Variants in KIAA1328 observed in about 807,000 individuals in gnomAD.
KIAA1328 encodes protein hinderin.
KIAA1328 carries 52 observed loss-of-function variants against 68.1 expected under a neutral mutation model. That is an observed-to-expected ratio of 0.76 (90% CI 0.61 to 0.96). KIAA1328 has a LOEUF of 0.96. Among genes scored for constraint, KIAA1328 ranks in the 40% least tolerant of loss-of-function variants. The pLI is 0.00. For synonymous variants in KIAA1328, 232 were observed against 239.4 expected (o/e 0.97, Z 0.28); for missense variants, 641 against 677.6 (o/e 0.95, Z 0.60).
chr18:37,053,680 A>G (rs774488096), intron 6 of KIAA1328, among the ~76,000 whole-genome samples: 2 of 152,120 alleles, frequency 1.3e-5, no homozygotes, highest in Non-Finnish European at 2.9e-5. Flanking sequence ...GAAACTTACA[A>G]TCATGGTGGG....
chr18:36,858,515 G>C (rs149649006), intron 4 of KIAA1328, among the ~76,000 whole-genome samples: 1 of 152,212 alleles, frequency 6.6e-6, no homozygotes, highest in South Asian at 2.1e-4. Flanking sequence ...CACTGGTATA[G>C]TACTGTTAAT....
chr18:36,971,048 C>G (rs950040107), intron 6 of KIAA1328, among the ~76,000 whole-genome samples: 3 of 152,162 alleles, frequency 2.0e-5, no homozygotes, highest in Admixed American at 1.3e-4. Context: ...TGACTTCAAA[C>G]TATACTACAA....
At chr18:36,997,389 G>A (rs115304040) in intron 6 of KIAA1328, among the ~76,000 whole-genome samples, 1 of 152,250 alleles carries the variant, frequency 6.6e-6, no homozygotes, top group African/African-American at 2.4e-5. Flanking sequence ...AGCTAAGAGT[G>A]ACTTTCCAAC....
intron 4 of KIAA1328, among the ~76,000 whole-genome samples, chr18:36,849,090 G>A (rs2047130145): frequency 6.6e-6 from 1 of 151,798 alleles, no homozygotes; most frequent in Non-Finnish European, 1.5e-5. Context: ...GTACAGTTCA[G>A]TAGTGGTAAG....
intron 6 of KIAA1328, among the ~76,000 whole-genome samples, chr18:36,990,540 G>A (rs1374890932): frequency 6.6e-6 from 1 of 151,900 alleles, no homozygotes; most frequent in Non-Finnish European, 1.5e-5. Flanking sequence ...TGGGCATGGT[G>A]ACACACATCT....
At position 36,968,066 on chromosome 18, in the gene KIAA1328, A is replaced by G. The variant is rs548110937; in HGVS notation, c.576+8631A>G. Among the ~76,000 whole-genome samples, 3 of 152,256 alleles carry G rather than the reference A, an allele frequency of 2.0e-5. No homozygotes were observed. In the East Asian group the frequency reaches 5.8e-4, roughly 29 times the overall value. ...CTTCCCCAACCTAGCTAGACCTGCT[A>G]CCACCAGACCTGGTACCTGGTACCA... On this transcript the variant is annotated intron_variant, in intron 6 of 9. Transcript: ENST00000280020.
chr18:37,084,172 A>C, intron 7 of KIAA1328: 1 of 1,526,288 alleles, frequency 6.6e-7, no homozygotes, highest in Non-Finnish European at 8.8e-7. Context: ...GTTGCTGAAA[A>C]ACAGCTTACT....
At chr18:36,948,704 C>T (rs188544626) in intron 5 of KIAA1328, among the ~76,000 whole-genome samples, 113 of 152,178 alleles carry the variant, frequency 7.4e-4, no homozygotes, top group African/African-American at 2.6e-3. Context: ...CATGCGCCAC[C>T]ACGCCCAGCT....
Position 37,067,266 on chromosome 18 carries a change from G to C in KIAA1328, c.953G>C (p.Ser318Thr). 2 of 1,613,976 alleles carry C rather than the reference G, an allele frequency of 1.2e-6. No individual in the cohort carries two copies. The highest frequency in any genetic ancestry group is 1.7e-6 in the Non-Finnish European group (2 of 1,179,882). The part of the protein sequence containing the change: ...HRLAADRVHD[S>T]HPTNMTPQHP... ...CTTGCTGCAGATCGTGTTCATGACA[G>C]CCATCCTACAAACATGACCCCTCAA... Residue 318 changes from serine to threonine, a missense_variant, in exon 7 of 10, where the codon AGC (serine) becomes ACC (threonine). Physicochemically the swap from Ser to Thr is moderately conservative, Grantham distance 58. Coordinates refer to ENST00000280020, the MANE Select transcript of KIAA1328 (RefSeq NM_020776.3).
At chr18:36,917,732 T>C (rs1446903880) in intron 5 of KIAA1328, among the ~76,000 whole-genome samples, 1 of 152,186 alleles carries the variant, frequency 6.6e-6, no homozygotes, top group East Asian at 1.9e-4. Flanking sequence ...CTTCCTTCAA[T>C]ATCCCACCTC....
At chr18:36,956,958 G>A (rs2051445309) in intron 5 of KIAA1328, among the ~76,000 whole-genome samples, 1 of 152,070 alleles carries the variant, frequency 6.6e-6, no homozygotes, top group South Asian at 2.1e-4. Flanking sequence ...TTATACTATT[G>A]TTGTTATTTA....
intron 7 of KIAA1328, among the ~76,000 whole-genome samples, chr18:37,132,355 CT>C (rs2058543244): frequency 1.3e-5 from 2 of 152,158 alleles, no homozygotes; most frequent in Admixed American, 1.3e-4. Flanking sequence ...ATTTTTGGTA[CT>C]GCTTGTTCCA....
chr18:37,221,812 G>A (rs1057073592), intron 9 of KIAA1328, among the ~76,000 whole-genome samples: 4 of 152,166 alleles, frequency 2.6e-5, no homozygotes, highest in Admixed American at 2.6e-4. Context: ...CAGCAAAAGA[G>A]AAGAGCTTAT....
chr18:37,167,232 G>C (rs1031435889), intron 8 of KIAA1328, among the ~76,000 whole-genome samples: 1 of 152,158 alleles, frequency 6.6e-6, no homozygotes. Context: ...TGAAGCCCCA[G>C]TGGGCATTTG....
chr18:37,230,596 T>C (rs1458611862), downstream of KIAA1328: 1 of 152,148 alleles, frequency 6.6e-6, no homozygotes, highest in African/African-American at 2.4e-5. Flanking sequence ...CGTTATAGGC[T>C]CCCAAACATT....
At chr18:36,931,454 C>A (rs1022494854) in intron 5 of KIAA1328, among the ~76,000 whole-genome samples, 21 of 152,128 alleles carry the variant, frequency 1.4e-4, no homozygotes, top group Admixed American at 6.5e-4. Flanking sequence ...TGAGGTGGAA[C>A]AATTTCATCC....
intron 4 of KIAA1328, 65 bp from the exon 5 acceptor site, chr18:36,885,492 C>A: frequency 2.3e-6 from 2 of 859,404 alleles, no homozygotes; most frequent in Non-Finnish European, 3.4e-6. Context: ...TTGTAAACTG[C>A]AGCTGTAGGC....
At chr18:36,889,334 T>C (rs2048603085) in intron 5 of KIAA1328, among the ~76,000 whole-genome samples, 1 of 152,240 alleles carries the variant, frequency 6.6e-6, no homozygotes, top group African/African-American at 2.4e-5. Flanking sequence ...CTGAAACATG[T>C]TGGCATGTAA....
At chr18:37,216,693 T>A (rs976181433) in intron 9 of KIAA1328, among the ~76,000 whole-genome samples, 1 of 152,158 alleles carries the variant, frequency 6.6e-6, no homozygotes, top group African/African-American at 2.4e-5. Flanking sequence ...CTTGTTAACC[T>A]GCTGTCTCGT....
Sources: allele counts gnomAD v4.1 joint callset (sites outside exome capture counted in the v4.1 genomes callset), GRCh38; gene constraint gnomAD v4.1.1; transcripts MANE v1.5; gene names NCBI Gene and HGNC (gene_info 2026-07-23, HGNC 2026-07-21).